The following KDM5C variants were observed in gnomAD, a reference collection of about 807,000 sequenced individuals.
The protein encoded by KDM5C is lysine-specific demethylase 5C.
A neutral mutation model predicts 110.6 loss-of-function variants in KDM5C; 16 were observed. The observed-to-expected ratio is 0.14, with a 90% confidence interval of 0.10 to 0.22. The LOEUF is 0.22. Among genes scored for constraint, KDM5C ranks in the 10% least tolerant of loss-of-function variants. The pLI is 1.00. For synonymous variants in KDM5C, 511 were observed against 520.4 expected, an observed-to-expected ratio of 0.98 and a Z score of 0.24; for missense variants, 681 against 1,300.9, an observed-to-expected ratio of 0.52 and a Z score of 7.33.
In KDM5C at chrX:53,224,777, G is replaced by A. The variant is rs2073995351; in HGVS notation, c.113C>T (p.Ala38Val). ...LGYIAKIRPI[A>V]EKSGICKIRP... ...GATCTTGCAAATGCCCGATTTCTCT[G>A]CGATGGGCCTGATTTTCGCGATGTA... The change falls in exon 1 of 26, where the codon GCA (alanine) becomes GTA (valine). Residue 38 changes from alanine (A) to valine (V), a missense_variant. Physicochemically the swap from Ala to Val is moderately conservative, Grantham distance 64. Coordinates refer to ENST00000375401, the MANE Select transcript of KDM5C (RefSeq NM_004187.5). 8.3e-7 allele frequency: 1 copy of A among 1,211,956 alleles called. No homozygotes were observed. The highest frequency in any genetic ancestry group is 1.1e-6 in the Non-Finnish European group (1 of 895,447).
intron 7 of KDM5C, 141 bp from the exon 8 acceptor site, chrX:53,214,988 T>TAG (rs1253772679): frequency 1.6e-6 from 1 of 632,139 alleles, no homozygotes; most frequent in African/African-American, 2.2e-5. Flanking sequence ...AATAAGCAGG[T>TAG]AGAGCTGCAA....
intron 1 of KDM5C, chrX:53,221,714 C>A: frequency 1.0e-6 from 1 of 979,553 alleles, no homozygotes; most frequent in Non-Finnish European, 1.3e-6. Context: ...CCTGTAGATC[C>A]TCTCTCATAC....
chrX:53,181,934 G>T (rs1471252994), intron 25 of KDM5C, among the ~76,000 whole-genome samples: 1 of 100,471 alleles, frequency 1.0e-5, no homozygotes, highest in African/African-American at 3.7e-5. Flanking sequence ...GACTACAGGC[G>T]CCCACCACCA....
chrX:53,181,323 G>C (rs1556825908), intron 25 of KDM5C, among the ~76,000 whole-genome samples: 1 of 110,083 alleles, frequency 9.1e-6, no homozygotes, highest in Non-Finnish European at 1.9e-5. Flanking sequence ...GGAACAATGG[G>C]ACCTTGAGAC....
At chrX:53,197,503 C>T (rs781913024) in intron 18 of KDM5C, among the ~76,000 whole-genome samples, 2 of 110,015 alleles carry the variant, frequency 1.8e-5, no homozygotes, top group Admixed American at 9.7e-5. Context: ...ACAAGCACCC[C>T]TGTTACCTCC....
downstream of KDM5C, among the ~76,000 whole-genome samples, chrX:53,191,170 CAT>C (rs782656486): frequency 8.9e-5 from 10 of 111,843 alleles, no homozygotes; most frequent in East Asian, 2.5e-3. Context: ...CCCACAAAAA[CAT>C]GTAAACAATC....
rs151216050 is a variant in KDM5C at position 53,197,872 on chromosome X, G to A, written c.2521C>T (p.His841Tyr). 8.5e-7 allele frequency: 1 copy of A among 1,179,192 alleles called. No homozygotes were observed. Among genetic ancestry groups the A allele is most frequent in the Non-Finnish European group, 1.1e-6 (1 of 876,612 alleles). The stretch of plus-strand genomic sequence containing the variant: ...GTCATCTGTAGACCAGCCACCCTGT[G>A]GGGGCTATGAAGTATCACATGTGAG... ...GLVSGQEAGP[H>Y]RVAGLQMTLT... The change falls in exon 18 of 26, where the codon CAC (histidine) becomes TAC (tyrosine). Residue 841 changes from histidine (H) to tyrosine (Y), a missense_variant. Transcript: ENST00000375401.
chrX:53,222,730 A>C (rs1217898482), intron 1 of KDM5C, among the ~76,000 whole-genome samples: 1 of 111,476 alleles, frequency 9.0e-6, no homozygotes, highest in Non-Finnish European at 1.9e-5. Context: ...CCTGATGAAG[A>C]AAGCAAGATC....
In KDM5C at chrX:53,217,148, G is replaced by T. The variant is rs782076366; in HGVS notation, c.652C>A (p.Pro218Thr). 8.3e-7 allele frequency: 1 copy of T among 1,207,496 alleles called. No individual in the cohort carries two copies. The highest frequency in any genetic ancestry group is 1.1e-6 in the Non-Finnish European group (1 of 893,263). ...CGAAGAAGGGGAGTACTCACATCAGGCTGCAGTCTCTTGGCCCGCCGGCCA... is the reference window on the plus strand; with the variant it reads ...CGAAGAAGGGGAGTACTCACATCAGTCTGCAGTCTCTTGGCCCGCCGGCCA... ...SYGRRAKRLQ[P>T]DPEPTEEDIE... The change falls in exon 5 of 26, where the codon CCT becomes ACT. Residue 218 changes from proline (P) to threonine (T), a missense_variant. Around this residue, in one of 14 missense-constraint regions of KDM5C, gnomAD observed 55 missense variants for 118.0 expected, o/e 0.47. Coordinates refer to ENST00000375401, the MANE Select transcript of KDM5C (RefSeq NM_004187.5).
rs2146979053 is a variant in KDM5C, at chrX:53,224,900, A to G, written c.-11T>C. 1 of 1,200,796 alleles carries G rather than the reference A, an allele frequency of 8.3e-7. No individual in the cohort carries two copies. The highest frequency in any genetic ancestry group is 1.1e-6 in the Non-Finnish European group (1 of 889,119). ...GGACCCCGGCTCCATGGTGGGCCCG[A>G]GGTCTGGGCCAGGGATCGGGAGGCT... On this transcript the variant is annotated 5_prime_UTR_variant, in exon 1 of 26. Transcript: ENST00000375401.
rs782081983 is a variant in KDM5C, at chrX:53,215,893, T to G, written c.865A>C (p.Lys289Gln). The G allele has an allele frequency of 2.5e-6, 3 of 1,211,320 alleles. No homozygotes were observed. Among genetic ancestry groups the G allele is most frequent in the Admixed American group, 4.3e-5 (2 of 46,080 alleles). The change falls in exon 7 of 26, where the codon AAG (lysine) becomes CAG (glutamine). Residue 289 changes from lysine (K) to glutamine (Q), a missense_variant. This residue lies in a region of KDM5C where 71 missense variants were observed against 115.0 expected (regional missense o/e 0.62). Coordinates refer to ENST00000375401, the MANE Select transcript of KDM5C (RefSeq NM_004187.5). The stretch of plus-strand genomic sequence containing the variant: ...TCCTCCTTGCTCTCCAGGAAGGTCT[T>G]AGGCGATGTTGACTCCACCTTCACA... ...GDVKVESTSP[K>Q]TFLESKEELS... is the part of the protein sequence containing the mutation.
At chrX:53,213,109 G>A (rs1425123265) in intron 8 of KDM5C, among the ~76,000 whole-genome samples, 1 of 112,129 alleles carries the variant, frequency 8.9e-6, no homozygotes, top group African/African-American at 3.2e-5. Context: ...ATAGGATGTG[G>A]GTCTACCTCA....
chrX:53,204,976 T>C (rs2073280437), intron 12 of KDM5C, among the ~76,000 whole-genome samples: 1 of 112,268 alleles, frequency 8.9e-6, no homozygotes, highest in Admixed American at 9.4e-5. Flanking sequence ...ATCTGTTTTC[T>C]AGTTTCAAGA....
In KDM5C at chrX:53,211,657, TG is replaced by T. The variant is rs2146920210; in HGVS notation, c.1243-3del. 1 of 1,211,734 alleles carries T rather than the reference TG, an allele frequency of 8.3e-7. No homozygotes were observed. Among genetic ancestry groups the T allele is most frequent in the African/African-American group, 1.7e-5 (1 of 57,874 alleles). On this transcript the variant is annotated splice_region_variant and splice_polypyrimidine_tract_variant and intron_variant, in intron 9 of 25. Transcript: ENST00000375401. ...CTCCACAAGTTCTGTGGGCACCATC[TG>T]GGGGAAGACAGGTAGCAGATGACTA... is the stretch of plus-strand genomic sequence containing the variant.
At chrX:53,195,632 C>T (rs1188901285) in intron 20 of KDM5C, 3 of 482,680 alleles carry the variant, frequency 6.2e-6, no homozygotes, top group East Asian at 7.3e-5. Flanking sequence ...TGTGGTTTGC[C>T]TCTTCTCCTC....
At chrX:53,207,178 C>CAAAAA (rs56948247) in intron 12 of KDM5C, among the ~76,000 whole-genome samples, 2 of 40,235 alleles carry the variant, frequency 5.0e-5, no homozygotes, top group Admixed American at 4.0e-4. Flanking sequence ...ACTCCTTCTC[C>CAAAAA]AAAAAAAAAA....
intron 25 of KDM5C, among the ~76,000 whole-genome samples, chrX:53,183,862 C>T (rs1040901831): frequency 1.8e-5 from 2 of 111,958 alleles, no homozygotes; most frequent in East Asian, 2.8e-4. Flanking sequence ...CATAAGCAAC[C>T]GCACCCCGCT....
intron 12 of KDM5C, among the ~76,000 whole-genome samples, chrX:53,206,504 G>T (rs191515549): frequency 9.0e-6 from 1 of 111,573 alleles, no homozygotes; most frequent in Non-Finnish European, 1.9e-5. Context: ...AATTCATATA[G>T]TAACAAAGCG....
chrX:53,204,606 C>A lies in KDM5C; in HGVS notation c.1747-2633G>T, dbSNP rs782343861. ...CCGCCTCACGGGTTCATGCCATTCT[C>A]CTGCCTCAGCCTCCCGAGTAGCTGG... On this transcript the variant is annotated intron_variant, in intron 12 of 25. Transcript: ENST00000375401. Among the ~76,000 whole-genome samples the A allele has an allele frequency of 1.1e-4, 12 of 111,036 alleles. No homozygotes were observed. In the South Asian group the frequency reaches 4.6e-3, roughly 42 times the overall value.
Sources: gnomAD v4.1 joint callset for allele counts (sites outside exome capture counted in the v4.1 genomes callset) on GRCh38, gnomAD v4.1.1 for gene constraint, gnomAD v4.1.1 regional missense constraint, MANE v1.5 for transcripts, NCBI Gene and HGNC (gene_info 2026-07-23, HGNC 2026-07-21) for gene names.